Variants in CSMD1 observed in about 807,000 individuals in gnomAD.
CSMD1 encodes the protein CUB and Sushi multiple domains 1, also known as CUB and sushi domain-containing protein 1.
Under a neutral mutation model 417.5 loss-of-function variants are expected in CSMD1, and 213 were observed. That is an observed-to-expected ratio of 0.51 (90% CI 0.46 to 0.57). CSMD1 has a LOEUF of 0.57. Ranked by LOEUF, CSMD1 falls within the 20% of genes least tolerant of loss-of-function variation. CSMD1 has a pLI of 0.00. For synonymous variants in CSMD1, 2,862 were observed against 1,736.8 expected (o/e 1.65, Z -16.11); for missense variants, 6,923 against 4,529.7 (o/e 1.53, Z -15.17).
intron 50 of CSMD1, among the ~76,000 whole-genome samples, chr8:3,030,912 C>T (rs1810302276): frequency 6.6e-6 from 1 of 151,948 alleles, no homozygotes; most frequent in Non-Finnish European, 1.5e-5. Context: ...AAATGTGGCT[C>T]TTTTTGATAT....
intron 2 of CSMD1, among the ~76,000 whole-genome samples, chr8:4,440,930 G>A (rs144232831): frequency 0.058 from 8,749 of 150,862 alleles, 616 homozygotes; most frequent in African/African-American, 0.17. Flanking sequence ...CCGGGAGGCG[G>A]AGGTTGCAGC....
chr8:4,079,347 C>G (rs922450508), intron 3 of CSMD1, among the ~76,000 whole-genome samples: 1 of 152,114 alleles, frequency 6.6e-6, no homozygotes, highest in East Asian at 1.9e-4. Context: ...ACGAAATATA[C>G]TTTCCATAAT....
chr8:3,662,446 G>C (rs1440147399), intron 7 of CSMD1, among the ~76,000 whole-genome samples: 2 of 152,060 alleles, frequency 1.3e-5, no homozygotes, highest in African/African-American at 2.4e-5. Context: ...TTATTGATGG[G>C]CATTTGGGTT....
intron 26 of CSMD1, among the ~76,000 whole-genome samples, chr8:3,254,435 G>A (rs1800495538): frequency 6.6e-6 from 1 of 152,130 alleles, no homozygotes; most frequent in Non-Finnish European, 1.5e-5. Flanking sequence ...TTGCTAGATT[G>A]GGGAAGTTCT....
At chr8:4,901,025 T>G (rs1010127784) in intron 1 of CSMD1, among the ~76,000 whole-genome samples, 4 of 152,238 alleles carry the variant, frequency 2.6e-5, no homozygotes, top group Non-Finnish European at 5.9e-5. Flanking sequence ...AGAATGCCGA[T>G]GTTCAACAAA....
intron 1 of CSMD1, among the ~76,000 whole-genome samples, chr8:4,865,929 G>T (rs150399710): frequency 6.6e-6 from 1 of 151,946 alleles, no homozygotes; most frequent in South Asian, 2.1e-4. Context: ...TCATCTTCCT[G>T]TGTAGATAAC....
intron 49 of CSMD1, among the ~76,000 whole-genome samples, chr8:3,055,982 T>C (rs1425614144): frequency 1.3e-5 from 2 of 152,232 alleles, no homozygotes; most frequent in African/African-American, 4.8e-5. Flanking sequence ...CCACACGACA[T>C]AGGCATTCAA....
At chr8:3,673,289 T>G (rs1401859185) in intron 7 of CSMD1, among the ~76,000 whole-genome samples, 2 of 152,168 alleles carry the variant, frequency 1.3e-5, no homozygotes, top group Non-Finnish European at 2.9e-5. Flanking sequence ...CAAATCCGTA[T>G]CCTCTACAAG....
chr8:4,588,237 C>G lies in CSMD1; in HGVS notation c.302+49105G>C, dbSNP rs547438098. Among the ~76,000 whole-genome samples the G allele has an allele frequency of 1.6e-4, 24 of 152,002 alleles. 1 individual carries two copies. The highest frequency in any genetic ancestry group is 5.5e-4 in the African/African-American group (23 of 41,488). The stretch of plus-strand genomic sequence containing the variant: ...TATATTGCTGGTGTTGATTACAACT[C>G]AATGGCCGTCAGAAGACAGTAACTT... On this transcript the variant is annotated intron_variant, in intron 2 of 69. Coordinates refer to ENST00000635120, the MANE Select transcript of CSMD1 (RefSeq NM_033225.6).
At chr8:4,067,505 T>G (rs955848387) in intron 3 of CSMD1, among the ~76,000 whole-genome samples, 1 of 152,174 alleles carries the variant, frequency 6.6e-6, no homozygotes, top group African/African-American at 2.4e-5. Context: ...ATTTCAAAAT[T>G]TTTAAATGCA....
At chr8:4,752,655 T>C (rs1280529742) in intron 1 of CSMD1, among the ~76,000 whole-genome samples, 1 of 152,192 alleles carries the variant, frequency 6.6e-6, no homozygotes, top group East Asian at 1.9e-4. Context: ...ATATTTTCTC[T>C]CCAGCAGATA....
At chr8:4,093,025 A>G (rs778952487) in intron 3 of CSMD1, among the ~76,000 whole-genome samples, 21 of 152,100 alleles carry the variant, frequency 1.4e-4, no homozygotes, top group Non-Finnish European at 2.6e-4. Context: ...TGCTGTGAAC[A>G]TTTTTGTGAC....
At chr8:2,954,302 A>C (rs1333950505) in intron 64 of CSMD1, 34 bp from the exon 65 acceptor site, 1 of 1,283,030 alleles carries the variant, frequency 7.8e-7, no homozygotes, top group South Asian at 1.4e-5. Context: ...CATTTTAAAA[A>C]AAACATTTAT....
intron 5 of CSMD1, among the ~76,000 whole-genome samples, chr8:3,944,727 T>G (rs1475132143): frequency 1.3e-5 from 2 of 152,142 alleles, no homozygotes; most frequent in Admixed American, 1.3e-4. Flanking sequence ...TGACAATATT[T>G]CAAAATAATG....
chr8:3,959,317 C>CA (rs1331035035), intron 5 of CSMD1, among the ~76,000 whole-genome samples: 3 of 151,952 alleles, frequency 2.0e-5, no homozygotes, highest in African/African-American at 2.4e-5. Context: ...GGCAACATGG[C>CA]AAAAAACCCT....
rs1197541638 is a variant in CSMD1, at chr8:3,096,831, A to C, written c.7138+18T>G. 1.3e-6 allele frequency: 2 copies of C among 1,516,830 alleles called. No homozygotes were observed. Among genetic ancestry groups the C allele is most frequent in the African/African-American group, 2.8e-5 (2 of 72,116 alleles). The allele number at this position is 1,516,830 out of a possible 1,614,324, so 94.0% of individuals were successfully genotyped here. A position where few individuals can be genotyped will look rare whatever the true frequency, so the allele number is the denominator to read the frequency against. On this transcript the variant is annotated intron_variant, in intron 47 of 69. Coordinates refer to ENST00000635120, the MANE Select transcript of CSMD1 (RefSeq NM_033225.6). ...ATGATGCCGAGGTCACTGCTCTACA[A>C]AGATTAAAGAAACTTACCATCAAAC... is the stretch of plus-strand genomic sequence containing the variant.
At chr8:4,139,998 G>T (rs1176672562) in intron 3 of CSMD1, among the ~76,000 whole-genome samples, 2 of 150,832 alleles carry the variant, frequency 1.3e-5, no homozygotes, top group Admixed American at 1.3e-4. Flanking sequence ...CAGGTAGGAG[G>T]TAAATAGTTC....
chr8:3,473,775 G>A (rs911411715), intron 11 of CSMD1, among the ~76,000 whole-genome samples: 2 of 152,114 alleles, frequency 1.3e-5, no homozygotes, highest in African/African-American at 2.4e-5. Context: ...CTCTCACACT[G>A]CTATGAAGAT....
chr8:3,996,696 G>GA (rs1815249942), intron 5 of CSMD1, among the ~76,000 whole-genome samples: 2 of 152,198 alleles, frequency 1.3e-5, no homozygotes, highest in African/African-American at 2.4e-5. Context: ...TGTTCAGCAT[G>GA]AAAAAAATTG....
Sources: gnomAD v4.1 joint callset for allele counts (sites outside exome capture counted in the v4.1 genomes callset) on GRCh38, gnomAD v4.1.1 for gene constraint, MANE v1.5 for transcripts, NCBI Gene and HGNC (gene_info 2026-07-23, HGNC 2026-07-21) for gene names.